PTPRQ: variants seen among roughly 807,000 people sequenced by gnomAD.
The protein encoded by PTPRQ is protein tyrosine phosphatase receptor type Q.
Under a neutral mutation model 246.0 loss-of-function variants are expected in PTPRQ, and 199 were observed. The ratio of observed to expected loss-of-function variants is 0.81; its 90% CI spans 0.72 to 0.91. PTPRQ has a LOEUF of 0.91. PTPRQ is among the 40% of genes least tolerant of loss of function. The probability of loss-of-function intolerance (pLI) is 0.00; values close to 1 mark genes in which losing one functional copy is unlikely to be tolerated. For synonymous variants in PTPRQ, 869 were observed against 853.2 expected (o/e 1.02, Z -0.32); for missense variants, 2,624 against 2,528.4 (o/e 1.04, Z -0.81).
Position 80,534,178 on chromosome 12 carries a change from G to C in PTPRQ, c.2839+3G>C. On this transcript the variant is annotated splice_donor_region_variant and intron_variant, in intron 18 of 44. Coordinates refer to ENST00000644991, the MANE Select transcript of PTPRQ (RefSeq NM_001145026.2). ...TAGCTTTCAAACACCAGAGGGAGGT[G>C]AGTTAAGGATGTATGCCAATTAAAA... 2 of 1,517,314 alleles carry C rather than the reference G, an allele frequency of 1.3e-6. No individual in the cohort carries two copies. Among genetic ancestry groups the C allele is most frequent in the Non-Finnish European group, 1.8e-6 (2 of 1,131,850 alleles). The allele number at this position is 1,517,314 out of a possible 1,614,324, so 94.0% of individuals were successfully genotyped here. A position where few individuals can be genotyped will look rare whatever the true frequency, so the allele number is the denominator to read the frequency against.
rs775613249 is a variant in PTPRQ at position 80,542,376 on chromosome 12, T to C, written c.3721+12T>C. 2.6e-5 allele frequency: 40 copies of C among 1,519,716 alleles called. No individual in the cohort carries two copies. Among genetic ancestry groups the C allele is most frequent in the Admixed American group, 7.6e-5 (3 of 39,716 alleles). The allele number at this position is 1,519,716 out of a possible 1,614,324, so 94.1% of individuals were successfully genotyped here. A position where few individuals can be genotyped will look rare whatever the true frequency, so the allele number is the denominator to read the frequency against. ...CACAGATGAGTCAGGTAAGCCAGAA[T>C]CCACATTTCTTCAAACAATTTCACT... On this transcript the variant is annotated intron_variant, in intron 22 of 44. Transcript: ENST00000644991.
chr12:80,488,923 C>A (rs1228512837), intron 9 of PTPRQ, among the ~76,000 whole-genome samples: 2 of 151,964 alleles, frequency 1.3e-5, no homozygotes, highest in Non-Finnish European at 2.9e-5. Flanking sequence ...TCTTTTATTT[C>A]AACTTCCACA....
At chr12:80,677,981 A>T (rs1246983741) in intron 43 of PTPRQ, among the ~76,000 whole-genome samples, 1 of 152,108 alleles carries the variant, frequency 6.6e-6, no homozygotes, top group Non-Finnish European at 1.5e-5. Flanking sequence ...CATTTAAAGG[A>T]TCCAAATGGT....
At chr12:80,483,833 C>T (rs4564397) in intron 8 of PTPRQ, among the ~76,000 whole-genome samples, 131,447 of 151,900 alleles carry the variant, frequency 0.87, 57,548 homozygotes, top group Non-Finnish European at 0.93. Context: ...GAACATGCGG[C>T]GTTTGGTTTT....
chr12:80,584,803 A>G (rs751525428), intron 25 of PTPRQ, among the ~76,000 whole-genome samples: 41 of 152,270 alleles, frequency 2.7e-4, no homozygotes, highest in Non-Finnish European at 5.1e-4. Context: ...TTATGTTCAG[A>G]TGATCTGAGT....
At chr12:80,476,916 T>C (rs1004241566) in intron 8 of PTPRQ, among the ~76,000 whole-genome samples, 5 of 152,218 alleles carry the variant, frequency 3.3e-5, no homozygotes, top group African/African-American at 1.2e-4. Flanking sequence ...AAAGCTATAA[T>C]GACACCCATT....
At position 80,546,729 on chromosome 12, in the gene PTPRQ, C is replaced by CT. The variant is rs1437328688; in HGVS notation, c.4015+37dup. 4 of 1,538,236 alleles carry CT rather than the reference C, an allele frequency of 2.6e-6. No individual in the cohort carries two copies. The East Asian group carries it at 9.9e-5, about 38-fold the overall frequency. The stretch of plus-strand genomic sequence containing the variant: ...TACAGTTTTTGAGCCTAAAATGTTT[C>CT]TTTTTATATTTAACACCTTTCTTTT... On this transcript the variant is annotated intron_variant, in intron 24 of 44. Coordinates refer to ENST00000644991, the MANE Select transcript of PTPRQ (RefSeq NM_001145026.2).
At chr12:80,664,268 C>A (rs1900719089) in intron 39 of PTPRQ, among the ~76,000 whole-genome samples, 1 of 152,000 alleles carries the variant, frequency 6.6e-6, no homozygotes, top group South Asian at 2.1e-4. Flanking sequence ...ACACTATATT[C>A]CTCATTTTCA....
chr12:80,659,501 A>G (rs1900557313), intron 39 of PTPRQ, among the ~76,000 whole-genome samples: 1 of 152,098 alleles, frequency 6.6e-6, no homozygotes, highest in Non-Finnish European at 1.5e-5. Context: ...AAGTAGATAC[A>G]AATCAACAGC....
At chr12:80,524,198 C>T (rs908207912) in intron 17 of PTPRQ, among the ~76,000 whole-genome samples, 8 of 151,982 alleles carry the variant, frequency 5.3e-5, no homozygotes, top group Non-Finnish European at 7.4e-5. Context: ...CCTGCCTTTT[C>T]TTGTTTTCCA....
chr12:80,540,473 T>C (rs1007362670), intron 20 of PTPRQ, among the ~76,000 whole-genome samples: 1 of 152,120 alleles, frequency 6.6e-6, no homozygotes, highest in South Asian at 2.1e-4. Context: ...ATCTTGATGT[T>C]TTTTATGTTT....
intron 35 of PTPRQ, among the ~76,000 whole-genome samples, chr12:80,647,675 T>C (rs990435877): frequency 6.6e-6 from 1 of 152,208 alleles, no homozygotes; most frequent in Non-Finnish European, 1.5e-5. Flanking sequence ...TTGGTAGCCC[T>C]TTCAGCCATC....
At chr12:80,528,357 CAG>C (rs1217933969) in intron 17 of PTPRQ, among the ~76,000 whole-genome samples, 1 of 152,012 alleles carries the variant, frequency 6.6e-6, no homozygotes, top group African/African-American at 2.4e-5. Context: ...CCATTGAAGC[CAG>C]AGGTTATGTC....
At chr12:80,577,461 C>T (rs1460611443) in intron 25 of PTPRQ, among the ~76,000 whole-genome samples, 4 of 152,160 alleles carry the variant, frequency 2.6e-5, no homozygotes, top group African/African-American at 4.8e-5. Flanking sequence ...TTATCTCTTC[C>T]TGGTCCCTCC....
intron 33 of PTPRQ, among the ~76,000 whole-genome samples, chr12:80,630,049 T>G (rs1021742077): frequency 2.0e-5 from 3 of 152,328 alleles, no homozygotes; most frequent in Admixed American, 2.0e-4. Flanking sequence ...TTTTATTATA[T>G]TGCTGTGATT....
rs1351067354 is a variant in PTPRQ at position 80,506,686 on chromosome 12, G to A, written c.2557+16G>A. On this transcript the variant is annotated intron_variant, in intron 16 of 44. Coordinates refer to ENST00000644991, the MANE Select transcript of PTPRQ (RefSeq NM_001145026.2). Reference sequence around the variant, plus strand: ...GAGGAAGATGGTAAATATAATAGTGGATATTGATATACTTTGATTCTATAA... The same window carrying A: ...GAGGAAGATGGTAAATATAATAGTGAATATTGATATACTTTGATTCTATAA... 6.5e-7 allele frequency: 1 copy of A among 1,529,624 alleles called. No individual in the cohort carries two copies. 94.8% of individuals were successfully genotyped at this position (1,529,624 alleles called of 1,614,324 possible).
At chr12:80,506,327 T>C in intron 15 of PTPRQ, 121 bp downstream of exon 15, 3 of 1,165,058 alleles carry the variant, frequency 2.6e-6, no homozygotes, top group Non-Finnish European at 3.5e-6. Context: ...TTTGTCTTTT[T>C]GGTTAAATAA....
At chr12:80,674,705 G>A (rs1901079474) in intron 43 of PTPRQ, among the ~76,000 whole-genome samples, 1 of 152,136 alleles carries the variant, frequency 6.6e-6, no homozygotes, top group African/African-American at 2.4e-5. Flanking sequence ...TCAAAACCTT[G>A]CTAATTGCTA....
At position 80,495,987 on chromosome 12, in the gene PTPRQ, T is replaced by G; in HGVS notation, c.1883-12T>G. On this transcript the variant is annotated splice_polypyrimidine_tract_variant and intron_variant, in intron 12 of 44. Transcript: ENST00000644991. Reference sequence around the variant, plus strand: ...TTAAGGACATTAAACAGTTTGTCTCTTGTCCTTATAGGGTTAAAGAAATAC... The same window carrying G: ...TTAAGGACATTAAACAGTTTGTCTCGTGTCCTTATAGGGTTAAAGAAATAC... 1 of 1,545,798 alleles carries G rather than the reference T, an allele frequency of 6.5e-7. No individual in the cohort carries two copies. The highest frequency in any genetic ancestry group is 8.7e-7 in the Non-Finnish European group (1 of 1,145,000).
Sources: gnomAD v4.1 joint callset for allele counts (sites outside exome capture counted in the v4.1 genomes callset) on GRCh38, gnomAD v4.1.1 for gene constraint, MANE v1.5 for transcripts, NCBI Gene and HGNC (gene_info 2026-07-23, HGNC 2026-07-21) for gene names.